TMEM272: variants seen among roughly 807,000 people sequenced by gnomAD.
TMEM272 encodes long intergenic non-protein coding RNA 282.
A neutral mutation model predicts 3.7 loss-of-function variants in TMEM272; 8 were observed. The observed-to-expected ratio is 2.17, with a 90% CI of 1.27 to 3.91. The LOEUF (loss-of-function observed/expected upper bound fraction) is 3.91, where lower values mean the gene tolerates loss of function less well. TMEM272 is among the 30% of genes most tolerant of loss of function. The pLI is 0.00. For synonymous variants in TMEM272, 63 were observed against 39.8 expected (o/e 1.58, Z -2.20); for missense variants, 166 against 91.5 (o/e 1.81, Z -3.32).
chr13:51,833,652 G>A (rs943039882), intron 2 of TMEM272, among the ~76,000 whole-genome samples: 8 of 152,220 alleles, frequency 5.3e-5, no homozygotes, highest in Admixed American at 3.3e-4. Flanking sequence ...GGGAAAGGAT[G>A]TATTCGGTTC....
chr13:51,897,362 A>ATTTTTTT, the TMEM272 span, among the ~76,000 whole-genome samples: 520 of 82,408 alleles, frequency 6.3e-3, 23 homozygotes, highest in Non-Finnish European at 9.4e-3. Flanking sequence ...TGTCTGGCTA[A>ATTTTTTT]TTTTTTTTTT....
the TMEM272 span, among the ~76,000 whole-genome samples, chr13:51,851,071 A>G: frequency 1.3e-5 from 2 of 152,202 alleles, no homozygotes; most frequent in African/African-American, 4.8e-5. Flanking sequence ...TTTGTTTAAA[A>G]GAAGAGGTAC....
At chr13:51,855,664 T>C in the TMEM272 span, among the ~76,000 whole-genome samples, 1 of 152,122 alleles carries the variant, frequency 6.6e-6, no homozygotes, top group Non-Finnish European at 1.5e-5. Context: ...AACAGTAGAT[T>C]AGACACCGCT....
the TMEM272 span, among the ~76,000 whole-genome samples, chr13:51,869,646 T>C: frequency 6.6e-6 from 1 of 152,032 alleles, no homozygotes; most frequent in South Asian, 2.1e-4. Context: ...CCTGCCGCCA[T>C]GCCCGGCTAA....
chr13:51,819,852 C>G (rs759321675), intron 4 of TMEM272, among the ~76,000 whole-genome samples: 1 of 152,134 alleles, frequency 6.6e-6, no homozygotes, highest in Non-Finnish European at 1.5e-5. Flanking sequence ...TCACTGAATC[C>G]GTCTTTTGGA....
At chr13:51,922,067 TGCAG>T in the TMEM272 span, among the ~76,000 whole-genome samples, 2 of 152,230 alleles carry the variant, frequency 1.3e-5, no homozygotes, top group African/African-American at 4.8e-5. Context: ...CACACCTCTC[TGCAG>T]GCAGCCCTGG....
the TMEM272 span, among the ~76,000 whole-genome samples, chr13:51,856,775 T>C: frequency 6.6e-6 from 1 of 152,190 alleles, no homozygotes; most frequent in Non-Finnish European, 1.5e-5. Flanking sequence ...TTAAAAAGCA[T>C]ACTTCCTTCA....
At chr13:51,836,220 C>T (rs528687885) in intron 2 of TMEM272, among the ~76,000 whole-genome samples, 18 of 152,160 alleles carry the variant, frequency 1.2e-4, no homozygotes, top group Non-Finnish European at 2.1e-4. Flanking sequence ...TTCTCTCCCC[C>T]ACGTGCTGCC....
At chr13:51,874,847 GCCTCCCT>G in the TMEM272 span, among the ~76,000 whole-genome samples, 1 of 152,174 alleles carries the variant, frequency 6.6e-6, no homozygotes, top group Non-Finnish European at 1.5e-5. Flanking sequence ...GTCTGTGCCT[GCCTCCCT>G]CCTCCTCCAC....
chr13:51,895,809 G>A, the TMEM272 span, among the ~76,000 whole-genome samples: 1 of 152,130 alleles, frequency 6.6e-6, no homozygotes, highest in East Asian at 1.9e-4. Context: ...TAACATCCGT[G>A]ATCTGACAGC....
chr13:51,823,354 A>T (rs1956096397), intron 3 of TMEM272, among the ~76,000 whole-genome samples: 1 of 152,264 alleles, frequency 6.6e-6, no homozygotes, highest in South Asian at 2.1e-4. Context: ...GTGGGATTAC[A>T]GGCCTGAGCC....
the TMEM272 span, among the ~76,000 whole-genome samples, chr13:51,891,877 G>A: frequency 1.3e-5 from 2 of 152,150 alleles, no homozygotes; most frequent in Non-Finnish European, 2.9e-5. Context: ...AGGGGGGCAA[G>A]GGCAGTCAAT....
chr13:51,824,592 G>A (rs1459763580), intron 3 of TMEM272, among the ~76,000 whole-genome samples: 1 of 152,190 alleles, frequency 6.6e-6, no homozygotes, highest in Non-Finnish European at 1.5e-5. Flanking sequence ...CATGGGAATT[G>A]GCTTGTGGGG....
chr13:51,826,464 G>T, intron 3 of TMEM272, 102 bp downstream of exon 3: 1 of 668,984 alleles, frequency 1.5e-6, no homozygotes. Flanking sequence ...GGGCTGGCCA[G>T]TTCTTCTTAA....
chr13:51,868,335 G>C, the TMEM272 span, among the ~76,000 whole-genome samples: 1 of 152,204 alleles, frequency 6.6e-6, no homozygotes, highest in Non-Finnish European at 1.5e-5. Flanking sequence ...CTCTCTGAGA[G>C]AGCACTACAG....
the TMEM272 span, among the ~76,000 whole-genome samples, chr13:51,856,283 T>C: frequency 6.6e-6 from 1 of 152,220 alleles, no homozygotes; most frequent in African/African-American, 2.4e-5. Flanking sequence ...GTAGTGATGT[T>C]ATCTACAGGA....
chr13:51,897,752 C>T, the TMEM272 span, among the ~76,000 whole-genome samples: 2 of 151,148 alleles, frequency 1.3e-5, no homozygotes, highest in East Asian at 3.9e-4. Context: ...CATGGTTAAA[C>T]TCTGTCTCTA....
At chr13:51,853,039 A>T in the TMEM272 span, among the ~76,000 whole-genome samples, 1 of 152,154 alleles carries the variant, frequency 6.6e-6, no homozygotes, top group Non-Finnish European at 1.5e-5. Flanking sequence ...GTCAATTAGC[A>T]TATGTTTTGT....
At chr13:51,848,321 T>G (rs192315590), upstream of TMEM272, among the ~76,000 whole-genome samples, 65 of 152,254 alleles carry the variant, frequency 4.3e-4, no homozygotes, top group Admixed American at 3.3e-3. Flanking sequence ...ATATGGCTAC[T>G]AAGTGTGTAA....
Sources: allele counts gnomAD v4.1 joint callset (sites outside exome capture counted in the v4.1 genomes callset), GRCh38; gene constraint gnomAD v4.1.1; transcripts MANE v1.5; gene names NCBI Gene and HGNC (gene_info 2026-07-23, HGNC 2026-07-21).